Variants in FAM78B observed in about 807,000 individuals in gnomAD.
The protein encoded by FAM78B is protein FAM78B.
In FAM78B, 10 loss-of-function variants were observed where a neutral mutation model predicts 20.0. The observed-to-expected ratio is 0.50, with a 90% CI of 0.31 to 0.85. The LOEUF is 0.85. Among genes scored for constraint, FAM78B ranks in the 40% least tolerant of loss-of-function variants. The pLI is 0.05. For missense variants in FAM78B, 283 were observed against 345.0 expected, an observed-to-expected ratio of 0.82 and a Z score of 1.42; for synonymous variants, 135 against 132.8, an observed-to-expected ratio of 1.02 and a Z score of -0.12.
chr1:166,127,919 A>G (rs1343213748), intron 1 of FAM78B, among the ~76,000 whole-genome samples: 1 of 152,232 alleles, frequency 6.6e-6, no homozygotes, highest in Non-Finnish European at 1.5e-5. Flanking sequence ...TACTTGGCAC[A>G]CACTGACGAT....
At chr1:166,139,055 C>T (rs974619593) in intron 1 of FAM78B, among the ~76,000 whole-genome samples, 4 of 152,106 alleles carry the variant, frequency 2.6e-5, no homozygotes, top group Non-Finnish European at 4.4e-5. Context: ...GGGTGTTCTC[C>T]GAACGTACTC....
In FAM78B at chr1:166,166,151, C is replaced by A; in HGVS notation, c.98G>T (p.Arg33Leu). The A allele has an allele frequency of 6.2e-7, 1 of 1,606,128 alleles. No homozygotes were observed. The highest frequency in any genetic ancestry group is 2.3e-5 in the East Asian group (1 of 44,346). The change falls in exon 1 of 2, where the codon CGC (arginine) becomes CTC (leucine). Residue 33 changes from arginine to leucine, a missense_variant. Arg to Leu is a moderately radical substitution (Grantham distance 102). Coordinates refer to ENST00000354422, the MANE Select transcript of FAM78B (RefSeq NM_001017961.5). ...VCATIDQCPT[R>L]IEETSPIVLR... ...GACGATGGGCGAGGTCTCCTCGATG[C>A]GCGTGGGGCACTGGTCGATGGTGGC...
At chr1:166,101,983 G>A (rs541424904) in intron 1 of FAM78B, among the ~76,000 whole-genome samples, 264 of 152,310 alleles carry the variant, frequency 1.7e-3, no homozygotes, top group Non-Finnish European at 2.9e-3. Flanking sequence ...CCCACAGAGG[G>A]AAGCCCATCA....
At chr1:166,118,789 G>A (rs1466282691) in intron 1 of FAM78B, among the ~76,000 whole-genome samples, 1 of 152,120 alleles carries the variant, frequency 6.6e-6, no homozygotes, top group Non-Finnish European at 1.5e-5. Context: ...CTTACTTCGA[G>A]GGAGCTAGGT....
chr1:166,109,910 A>ATATATATATATG (rs1557903495), intron 1 of FAM78B, among the ~76,000 whole-genome samples: 2 of 108,440 alleles, frequency 1.8e-5, no homozygotes, highest in African/African-American at 3.0e-5. Flanking sequence ...ATATATATAT[A>ATATATATATATG]TATATATATA....
chr1:166,076,476 C>T (rs964848485), intron 1 of FAM78B, among the ~76,000 whole-genome samples: 1 of 152,160 alleles, frequency 6.6e-6, no homozygotes, highest in African/African-American at 2.4e-5. Flanking sequence ...TCACTGCAAT[C>T]TTTCCTAACA....
chr1:166,056,566 C>G (rs1363596648), downstream of FAM78B, among the ~76,000 whole-genome samples: 1 of 152,194 alleles, frequency 6.6e-6, no homozygotes, highest in Non-Finnish European at 1.5e-5. Context: ...TACCAACACT[C>G]AGGGAGAGAA....
At chr1:166,055,983 T>C (rs560781101), downstream of FAM78B, among the ~76,000 whole-genome samples, 10 of 152,356 alleles carry the variant, frequency 6.6e-5, no homozygotes, top group East Asian at 1.9e-3. Context: ...GTGCCAATTG[T>C]TCTTTCCAGA....
chr1:166,067,796 G>A (rs1210955200), downstream of FAM78B, among the ~76,000 whole-genome samples: 1 of 152,136 alleles, frequency 6.6e-6, no homozygotes, highest in Non-Finnish European at 1.5e-5. Flanking sequence ...TGTATACAGT[G>A]CTTTTAACTT....
At chr1:166,165,719 G>A (rs1043535310) in intron 1 of FAM78B, among the ~76,000 whole-genome samples, 1 of 152,036 alleles carries the variant, frequency 6.6e-6, no homozygotes, top group Non-Finnish European at 1.5e-5. Flanking sequence ...CCTCCTTGTC[G>A]CGTTCTTCCC....
At chr1:166,128,229 T>C (rs994348030) in intron 1 of FAM78B, among the ~76,000 whole-genome samples, 6 of 152,260 alleles carry the variant, frequency 3.9e-5, no homozygotes, top group Non-Finnish European at 7.3e-5. Flanking sequence ...ATTCATTTTA[T>C]ACTTTCCTCA....
chr1:166,071,054 GT>G (rs1246466521), intron 1 of FAM78B, among the ~76,000 whole-genome samples: 7 of 152,306 alleles, frequency 4.6e-5, no homozygotes, highest in African/African-American at 1.7e-4. Flanking sequence ...ACATCAACTA[GT>G]TAGATGATGG....
At chr1:166,105,887 C>T (rs1653756589) in intron 1 of FAM78B, among the ~76,000 whole-genome samples, 1 of 151,664 alleles carries the variant, frequency 6.6e-6, no homozygotes, top group African/African-American at 2.4e-5. Context: ...AATCATGCTG[C>T]TATAAAGACA....
chr1:166,070,579 C>A lies in FAM78B; in HGVS notation c.448G>T (p.Val150Leu), dbSNP rs1272600075. Residue 150 changes from valine to leucine, a missense_variant, in exon 2 of 2, where the codon GTG becomes TTG. Physicochemically the swap from Val to Leu is conservative, Grantham distance 32. Coordinates refer to ENST00000354422, the MANE Select transcript of FAM78B (RefSeq NM_001017961.5). ...GGCACATTGCTGTCACTCACAGGCA[C>A]TGCCCATGTCACACTGGGGTAGAAG... ...DNFYPSVTWA[V>L]PVSDSNVPLL... 2 of 1,613,654 alleles carry A rather than the reference C, an allele frequency of 1.2e-6. No individual in the cohort carries two copies. The highest frequency in any genetic ancestry group is 2.7e-5 in the African/African-American group (2 of 74,936).
chr1:166,094,103 G>A (rs1474037497), intron 1 of FAM78B, among the ~76,000 whole-genome samples: 1 of 151,600 alleles, frequency 6.6e-6, no homozygotes. Flanking sequence ...AAGGAAGCAG[G>A]ACGTTGGGAT....
chr1:166,065,435 T>C (rs1651760137), downstream of FAM78B, among the ~76,000 whole-genome samples: 1 of 152,206 alleles, frequency 6.6e-6, no homozygotes, highest in African/African-American at 2.4e-5. Flanking sequence ...CAGATGGGTG[T>C]TGTTACTATT....
chr1:166,130,981 CT>C (rs869158425), intron 1 of FAM78B, among the ~76,000 whole-genome samples: 1,211 of 114,036 alleles, frequency 0.011, 8 homozygotes, highest in African/African-American at 0.036. Flanking sequence ...TCCCCAGGTG[CT>C]TTTTTTTTTT....
chr1:166,105,844 T>C (rs1318050832), intron 1 of FAM78B, among the ~76,000 whole-genome samples: 8 of 151,712 alleles, frequency 5.3e-5, no homozygotes, highest in Admixed American at 5.2e-4. Flanking sequence ...GACCCAGCCA[T>C]CCCATTACTG....
intron 1 of FAM78B, among the ~76,000 whole-genome samples, chr1:166,085,349 C>T (rs1652783807): frequency 6.6e-6 from 1 of 152,164 alleles, no homozygotes; most frequent in East Asian, 1.9e-4. Context: ...CTGTACCATC[C>T]CTTCCCATCT....
Sources: gnomAD v4.1 joint callset for allele counts (sites outside exome capture counted in the v4.1 genomes callset) on GRCh38, gnomAD v4.1.1 for gene constraint, MANE v1.5 for transcripts, NCBI Gene and HGNC (gene_info 2026-07-23, HGNC 2026-07-21) for gene names.